Variants in HK2 observed in about 807,000 individuals in gnomAD.
HK2 encodes the protein hexokinase-2.
Under a neutral mutation model 92.9 loss-of-function variants are expected in HK2, and 42 were observed. The observed-to-expected ratio is 0.45, with a 90% CI of 0.35 to 0.58. The LOEUF (loss-of-function observed/expected upper bound fraction) is 0.58, where lower values mean the gene tolerates loss of function less well. Among genes scored for constraint, HK2 ranks in the 20% least tolerant of loss-of-function variants. The probability of loss-of-function intolerance (pLI) is 0.00; values close to 1 mark genes in which losing one functional copy is unlikely to be tolerated. For synonymous variants in HK2, 422 were observed against 468.0 expected (o/e 0.90, Z 1.27); for missense variants, 978 against 1,245.1 (o/e 0.79, Z 3.23).
intron 1 of HK2, among the ~76,000 whole-genome samples, chr2:74,847,898 A>T (rs1458774058): frequency 6.6e-6 from 1 of 152,204 alleles, no homozygotes; most frequent in Non-Finnish European, 1.5e-5. Flanking sequence ...TTAGTGAAAG[A>T]CACAGCAGCT....
intron 1 of HK2, among the ~76,000 whole-genome samples, chr2:74,844,789 G>T (rs1457944477): frequency 1.3e-5 from 2 of 152,250 alleles, no homozygotes; most frequent in African/African-American, 2.4e-5. Flanking sequence ...ATCCCATGCA[G>T]TGTGGGCGCC....
At chr2:74,890,575 A>G (rs957795751) in intron 17 of HK2, among the ~76,000 whole-genome samples, 2 of 152,198 alleles carry the variant, frequency 1.3e-5, no homozygotes, top group African/African-American at 4.8e-5. Flanking sequence ...AATGGCTGAT[A>G]TGATGTGGAA....
Position 74,834,665 on chromosome 2 carries a change from G to C in HK2, c.63+22G>C. Reference sequence around the variant, plus strand: ...GAAGGTAAGTCAGCGCGGGCGGGGCGGCAGGCTGGGCTCTGGCAAAGTGGT... The same window carrying C: ...GAAGGTAAGTCAGCGCGGGCGGGGCCGCAGGCTGGGCTCTGGCAAAGTGGT... On this transcript the variant is annotated intron_variant, in intron 1 of 17. Transcript: ENST00000290573. This position sits in a 1 kb window ranked among gnomAD's most constrained non-coding sequence, Gnocchi z 4.2. 2 of 1,613,474 alleles carry C rather than the reference G, an allele frequency of 1.2e-6. No homozygotes were observed. The highest frequency in any genetic ancestry group is 8.5e-7 in the Non-Finnish European group (1 of 1,179,418).
At chr2:74,858,909 A>T (rs182433433) in intron 2 of HK2, among the ~76,000 whole-genome samples, 1 of 152,260 alleles carries the variant, frequency 6.6e-6, no homozygotes, top group Non-Finnish European at 1.5e-5. Flanking sequence ...TGTTCAAGGT[A>T]AATCGTGAAG....
chr2:74,863,603 C>T (rs951542270), intron 2 of HK2, among the ~76,000 whole-genome samples: 17 of 152,126 alleles, frequency 1.1e-4, no homozygotes, highest in African/African-American at 4.1e-4. Flanking sequence ...GCTACATTAC[C>T]TGCTTAGGAC....
At chr2:74,872,460 G>T (rs538627554) in intron 4 of HK2, 41 bp downstream of exon 4, 2 of 1,612,566 alleles carry the variant, frequency 1.2e-6, no homozygotes, top group East Asian at 2.2e-5. Context: ...TCACTCTTGG[G>T]GCTGGGAGGG....
rs1248599970 is a variant in HK2 at position 74,880,498 on chromosome 2, G to A, written c.1499G>A (p.Ser500Asn). 6.2e-7 allele frequency: 1 copy of A among 1,614,104 alleles called. No individual in the cohort carries two copies. The highest frequency in any genetic ancestry group is 8.5e-7 in the Non-Finnish European group (1 of 1,180,042). The change falls in exon 10 of 18, where the codon AGC (serine) becomes AAC (asparagine). Residue 500 changes from serine (S) to asparagine (N), a missense_variant. Ser to Asn is a conservative substitution (Grantham distance 46, BLOSUM62 1). This residue lies in a region of HK2 where 742 missense variants were observed against 922.5 expected (regional missense o/e 0.80). Transcript: ENST00000290573. ...RMKVEMERGL[S>N]KETHASAPVK... ...AAGGTAGAAATGGAGCGAGGTCTGA[G>A]CAAGGAGACTCATGCCAGTGCCCCC...
intron 2 of HK2, among the ~76,000 whole-genome samples, chr2:74,861,156 G>A (rs113192966): frequency 6.6e-6 from 1 of 152,100 alleles, no homozygotes; most frequent in Non-Finnish European, 1.5e-5. Flanking sequence ...GGTCGGGCAC[G>A]GTGGCTTACG....
intron 2 of HK2, among the ~76,000 whole-genome samples, chr2:74,862,490 A>G (rs1688853078): frequency 6.6e-6 from 1 of 152,228 alleles, no homozygotes; most frequent in African/African-American, 2.4e-5. Flanking sequence ...AGACAAAACA[A>G]TTAGAGATAT....
At chr2:74,857,002 T>C (rs1306642064) in intron 2 of HK2, among the ~76,000 whole-genome samples, 1 of 152,218 alleles carries the variant, frequency 6.6e-6, no homozygotes, top group East Asian at 1.9e-4. Flanking sequence ...AAATTCTCAT[T>C]GCTTTCCTGA....
Position 74,891,459 on chromosome 2 carries a change from G to A in HK2, c.*518G>A, listed in dbSNP as rs1186209337. 2 of 164,772 alleles carry A rather than the reference G, an allele frequency of 1.2e-5. No homozygotes were observed. Among genetic ancestry groups the A allele is most frequent in the African/African-American group, 2.4e-5 (1 of 41,616 alleles). 10.2% of individuals were successfully genotyped at this position (164,772 alleles called of 1,614,324 possible). A position where few individuals can be genotyped will look rare whatever the true frequency, so the allele number is the denominator to read the frequency against. On this transcript the variant is annotated 3_prime_UTR_variant, in exon 18 of 18. Transcript: ENST00000290573. ...GGGGTGACAGTGGAGGAAAATCCAT[G>A]GATATCCACGCAGCAGCCCCTCTTT...
intron 12 of HK2, among the ~76,000 whole-genome samples, chr2:74,884,482 A>G (rs1689474367): frequency 6.6e-6 from 1 of 152,220 alleles, no homozygotes; most frequent in Non-Finnish European, 1.5e-5. Context: ...TGCGTCAAAC[A>G]TGTGAAGCTA....
chr2:74,865,342 G>C (rs1345602469), intron 2 of HK2, among the ~76,000 whole-genome samples: 1 of 152,134 alleles, frequency 6.6e-6, no homozygotes, highest in South Asian at 2.1e-4. Context: ...TCTTGGTGGA[G>C]CTGTGGCCTC....
chr2:74,889,543 T>C, intron 17 of HK2, 65 bp downstream of exon 17: 1 of 1,092,546 alleles, frequency 9.2e-7, no homozygotes. Flanking sequence ...CCCTTTTCTT[T>C]CTCTCTTTCC....
chr2:74,859,615 A>G (rs1688772675), intron 2 of HK2, among the ~76,000 whole-genome samples: 2 of 152,220 alleles, frequency 1.3e-5, no homozygotes, highest in Non-Finnish European at 2.9e-5. Context: ...AGCCTGGGCC[A>G]CAGAGCGAGA....
At chr2:74,839,523 T>C (rs1044105676) in intron 1 of HK2, among the ~76,000 whole-genome samples, 1 of 152,204 alleles carries the variant, frequency 6.6e-6, no homozygotes, top group Non-Finnish European at 1.5e-5. Flanking sequence ...CAACTGATGG[T>C]AGTTAGGAAT....
chr2:74,840,726 A>G (rs1478951599), intron 1 of HK2, among the ~76,000 whole-genome samples: 1 of 150,096 alleles, frequency 6.7e-6, no homozygotes, highest in African/African-American at 2.5e-5. Flanking sequence ...AAAAAAAAAA[A>G]AAATTAGCCG....
intron 16 of HK2, among the ~76,000 whole-genome samples, chr2:74,888,855 G>A (rs138100157): frequency 2.2e-4 from 34 of 152,190 alleles, no homozygotes; most frequent in African/African-American, 7.9e-4. Context: ...AATAAAGCAC[G>A]AGTCTAATGC....
At position 74,891,897 on chromosome 2, in the gene HK2, A is replaced by T. The variant is rs564319353; in HGVS notation, c.*956A>T. 1 of 152,676 alleles carries T rather than the reference A, an allele frequency of 6.5e-6. No individual in the cohort carries two copies. The highest frequency in any genetic ancestry group is 1.5e-5 in the Non-Finnish European group (1 of 68,048). 9.5% of individuals were successfully genotyped at this position (152,676 alleles called of 1,614,324 possible). A position where few individuals can be genotyped will look rare whatever the true frequency, so the allele number is the denominator to read the frequency against. ...TGTAGTTAAAGGGCAGAAGGGGAAG[A>T]TACTGACTAGTCATAGAAATACCTC... On this transcript the variant is annotated 3_prime_UTR_variant, in exon 18 of 18. Transcript: ENST00000290573.
Sources: gnomAD v4.1 joint callset for allele counts (sites outside exome capture counted in the v4.1 genomes callset) on GRCh38, gnomAD v4.1.1 for gene constraint, gnomAD v4.1.1 regional missense constraint, Gnocchi (gnomAD v3.1) non-coding constraint, MANE v1.5 for transcripts, NCBI Gene and HGNC (gene_info 2026-07-23, HGNC 2026-07-21) for gene names.